NAALADL2: variants seen among roughly 807,000 people sequenced by gnomAD.
NAALADL2 encodes N-acetylated alpha-linked acidic dipeptidase like 2.
In NAALADL2, 76 loss-of-function variants were observed where a neutral mutation model predicts 87.2. That is an observed-to-expected ratio of 0.87 (90% confidence interval 0.72 to 1.05). The LOEUF (loss-of-function observed/expected upper bound fraction) is 1.05. Ranked by LOEUF, NAALADL2 falls within the 50% of genes least tolerant of loss-of-function variation. The probability of loss-of-function intolerance (pLI) is 0.00; values close to 1 mark genes in which losing one functional copy is unlikely to be tolerated. For synonymous variants in NAALADL2, 354 were observed against 331.0 expected, an observed-to-expected ratio of 1.07 and a Z score of -0.75; for missense variants, 1,089 against 945.8, an observed-to-expected ratio of 1.15 and a Z score of -1.99.
intron 1 of NAALADL2, among the ~76,000 whole-genome samples, chr3:175,067,899 CAA>C (rs1714839841): frequency 6.6e-6 from 1 of 151,988 alleles, no homozygotes. Context: ...CCATGAAATA[CAA>C]TGCAGCTAAA....
rs112821461 is a variant in NAALADL2 at position 175,764,703 on chromosome 3, A to G, written c.2189+9285A>G. ...TTTTGAAAGATGTTAGAACCAGTTT[A>G]TATTTAGGCAAGCAATGAAATGAGA... is the stretch of plus-strand genomic sequence containing the variant. On this transcript the variant is annotated intron_variant, in intron 13 of 13. Transcript: ENST00000454872. Among the ~76,000 whole-genome samples the G allele has an allele frequency of 2.9e-3, 442 of 152,290 alleles. 3 individuals carry two copies. The highest frequency in any genetic ancestry group is 0.01 in the African/African-American group (417 of 41,568).
intron 1 of NAALADL2, among the ~76,000 whole-genome samples, chr3:174,490,668 T>C (rs955582683): frequency 6.6e-6 from 1 of 152,050 alleles, no homozygotes; most frequent in Non-Finnish European, 1.5e-5. Context: ...AGAAAAATCT[T>C]AGATGAATTG....
At chr3:174,512,205 G>T (rs896727379) in intron 1 of NAALADL2, among the ~76,000 whole-genome samples, 9 of 152,130 alleles carry the variant, frequency 5.9e-5, no homozygotes, top group African/African-American at 1.9e-4. Context: ...ATTATTAAAA[G>T]ATATTTTTAT....
At chr3:174,964,338 G>A (rs999156964) in intron 1 of NAALADL2, among the ~76,000 whole-genome samples, 1 of 152,020 alleles carries the variant, frequency 6.6e-6, no homozygotes, top group Non-Finnish European at 1.5e-5. Flanking sequence ...AAGCCTAACA[G>A]ATATCTACAT....
At chr3:175,670,427 T>C (rs887048231) in intron 11 of NAALADL2, among the ~76,000 whole-genome samples, 7 of 145,212 alleles carry the variant, frequency 4.8e-5, no homozygotes, top group Non-Finnish European at 8.9e-5. Context: ...AAATTTAATA[T>C]ATTTATATTA....
At position 174,541,574 on chromosome 3, in the gene NAALADL2, C is replaced by T. The variant is rs74739084; in HGVS notation, c.-183-8995C>T. On this transcript the variant is annotated intron_variant, in intron 1 of 3. Coordinates refer to the NAALADL2 transcript ENST00000434257. ...AGTGTGTAGTATGTGCATGAAAATA[C>T]ACTGGATGCTATGAAACATTTTTTT... Among the ~76,000 whole-genome samples, 246 of 152,266 alleles carry T rather than the reference C, an allele frequency of 1.6e-3. 1 individual carries two copies. Among genetic ancestry groups the T allele is most frequent in the Non-Finnish European group, 2.8e-3 (192 of 68,020 alleles).
intron 10 of NAALADL2, among the ~76,000 whole-genome samples, chr3:175,626,893 A>T (rs1286025529): frequency 1.3e-5 from 2 of 151,816 alleles, no homozygotes; most frequent in Admixed American, 6.6e-5. Context: ...AATTATTGTT[A>T]TATCTCCAGT....
At chr3:175,468,176 A>T (rs1724368017) in intron 8 of NAALADL2, among the ~76,000 whole-genome samples, 1 of 152,168 alleles carries the variant, frequency 6.6e-6, no homozygotes, top group Non-Finnish European at 1.5e-5. Flanking sequence ...ATCTTTTTTA[A>T]TTTGAAGTAA....
chr3:175,604,558 C>G (rs1157047319), intron 10 of NAALADL2, among the ~76,000 whole-genome samples: 3 of 152,118 alleles, frequency 2.0e-5, no homozygotes, highest in African/African-American at 7.2e-5. Flanking sequence ...CCTGCCTCAG[C>G]CTCCCACAGT....
intron 5 of NAALADL2, among the ~76,000 whole-genome samples, chr3:175,373,076 C>G (rs1766697069): frequency 6.6e-6 from 1 of 152,094 alleles, no homozygotes; most frequent in Non-Finnish European, 1.5e-5. Flanking sequence ...ATTGAACATG[C>G]AACCAATCAA....
intron 2 of NAALADL2, among the ~76,000 whole-genome samples, chr3:175,109,365 C>A (rs1723793188): frequency 6.6e-6 from 1 of 151,624 alleles, no homozygotes; most frequent in Non-Finnish European, 1.5e-5. Flanking sequence ...TATTGAGGTC[C>A]TAGTGAGTGA....
At chr3:174,719,579 G>A (rs1731516351) in intron 2 of NAALADL2, among the ~76,000 whole-genome samples, 2 of 152,082 alleles carry the variant, frequency 1.3e-5, no homozygotes, top group Admixed American at 1.3e-4. Context: ...CCTAATATTA[G>A]CATGCAAGTG....
At chr3:175,477,950 C>T (rs1401675624) in intron 9 of NAALADL2, among the ~76,000 whole-genome samples, 2 of 151,906 alleles carry the variant, frequency 1.3e-5, no homozygotes, top group Admixed American at 6.6e-5. Flanking sequence ...AGGTACAGTG[C>T]TAAAATAAAA....
At chr3:175,407,455 G>C (rs372707393) in intron 5 of NAALADL2, among the ~76,000 whole-genome samples, 1 of 152,068 alleles carries the variant, frequency 6.6e-6, no homozygotes, top group Non-Finnish European at 1.5e-5. Context: ...CACTCTATAT[G>C]TTTTATATAT....
At chr3:175,168,419 A>G (rs568885739) in intron 2 of NAALADL2, among the ~76,000 whole-genome samples, 31 of 151,978 alleles carry the variant, frequency 2.0e-4, no homozygotes, top group African/African-American at 7.5e-4. Context: ...AGCATGAGAA[A>G]TGTTCAAGAC....
chr3:174,451,607 A>G (rs970283670), intron 1 of NAALADL2, among the ~76,000 whole-genome samples: 4 of 152,180 alleles, frequency 2.6e-5, no homozygotes, highest in Non-Finnish European at 5.9e-5. Context: ...CTGTTTGGTT[A>G]AAAAAGGATT....
At chr3:175,713,839 T>C (rs1275255763) in intron 11 of NAALADL2, among the ~76,000 whole-genome samples, 1 of 152,068 alleles carries the variant, frequency 6.6e-6, no homozygotes, top group Admixed American at 6.6e-5. Flanking sequence ...CATCAACCCA[T>C]CATCTACATT....
intron 10 of NAALADL2, among the ~76,000 whole-genome samples, chr3:175,606,645 C>A (rs952194625): frequency 5.9e-5 from 9 of 152,126 alleles, no homozygotes; most frequent in Admixed American, 3.3e-4. Context: ...CTTTGAATCC[C>A]AGCTGTGCAT....
chr3:174,608,301 A>T (rs959392024), intron 2 of NAALADL2, among the ~76,000 whole-genome samples: 1 of 152,210 alleles, frequency 6.6e-6, no homozygotes, highest in African/African-American at 2.4e-5. Flanking sequence ...GCAGAAGGTA[A>T]GAAATAACTA....
Sources: gnomAD v4.1 joint callset for allele counts (sites outside exome capture counted in the v4.1 genomes callset) on GRCh38, gnomAD v4.1.1 for gene constraint, MANE v1.5 for transcripts, NCBI Gene and HGNC (gene_info 2026-07-23, HGNC 2026-07-21) for gene names.